GNB1: variants seen among roughly 807,000 people sequenced by gnomAD.
GNB1 encodes G protein subunit beta 1.
GNB1 carries 2 observed loss-of-function variants against 42.9 expected under a neutral mutation model. The ratio of observed to expected loss-of-function variants is 0.05; its 90% CI spans 0.02 to 0.15. The LOEUF (loss-of-function observed/expected upper bound fraction) is 0.15, where lower values mean the gene tolerates loss of function less well. GNB1 is among the 10% of genes least tolerant of loss of function. GNB1 has a pLI of 1.00. For missense variants in GNB1, 193 were observed against 462.2 expected, an observed-to-expected ratio of 0.42 and a Z score of 5.34; for synonymous variants, 183 against 174.7, an observed-to-expected ratio of 1.05 and a Z score of -0.38.
chr1:1,835,680 T>C lies in GNB1; in HGVS notation c.-47+3510A>G, dbSNP rs138322837. 9.9e-5 allele frequency among the ~76,000 whole-genome samples: 15 copies of C among 152,242 alleles called. No homozygotes were observed. In the East Asian group the frequency reaches 2.7e-3, roughly 27 times the overall value. ...TTTGAAATCTGTGCATGTTGTTACA[T>C]GTACAAGTCTTTATGAGAACATCTG... On this transcript the variant is annotated intron_variant, in intron 2 of 11. Coordinates refer to ENST00000378609, the MANE Select transcript of GNB1 (RefSeq NM_002074.5).
At chr1:1,873,208 G>C (rs926155775) in intron 1 of GNB1, among the ~76,000 whole-genome samples, 2 of 152,190 alleles carry the variant, frequency 1.3e-5, no homozygotes, top group Admixed American at 1.3e-4. Context: ...CCTATGCTAG[G>C]CCTCATAACT....
At chr1:1,812,903 G>A (rs1646802401) in intron 5 of GNB1, among the ~76,000 whole-genome samples, 1 of 140,048 alleles carries the variant, frequency 7.1e-6, no homozygotes, top group African/African-American at 2.6e-5. Context: ...CCTGCCTGCA[G>A]GTCACTCTCA....
chr1:1,829,587 A>G (rs1203563126), intron 2 of GNB1, among the ~76,000 whole-genome samples: 2 of 152,154 alleles, frequency 1.3e-5, no homozygotes, highest in Non-Finnish European at 2.9e-5. Context: ...AGGGAAGCAA[A>G]CAACCTTCTG....
At chr1:1,840,080 T>C (rs928650436) in intron 1 of GNB1, among the ~76,000 whole-genome samples, 9 of 151,540 alleles carry the variant, frequency 5.9e-5, no homozygotes, top group Non-Finnish European at 1.2e-4. Context: ...TTAAAAAAAT[T>C]AGCCAGGCGT....
At chr1:1,844,622 A>G (rs1223633591) in intron 1 of GNB1, among the ~76,000 whole-genome samples, 1 of 152,188 alleles carries the variant, frequency 6.6e-6, no homozygotes, top group African/African-American at 2.4e-5. Flanking sequence ...GTACAGGTAT[A>G]CTTGTGGGGG....
At chr1:1,814,385 T>G (rs1452366665) in intron 5 of GNB1, among the ~76,000 whole-genome samples, 1 of 152,174 alleles carries the variant, frequency 6.6e-6, no homozygotes, top group Non-Finnish European at 1.5e-5. Flanking sequence ...AAACAGTACT[T>G]TATTAAATTA....
At chr1:1,849,974 CTTTT>C (rs897799890) in intron 1 of GNB1, among the ~76,000 whole-genome samples, 1 of 147,928 alleles carries the variant, frequency 6.8e-6, no homozygotes, top group African/African-American at 2.4e-5. Context: ...CTACTCAACA[CTTTT>C]TTTTTGTTTG....
chr1:1,806,448 C>G (rs762586996), intron 6 of GNB1, 27 bp downstream of exon 6: 1 of 1,493,954 alleles, frequency 6.7e-7, no homozygotes, highest in African/African-American at 1.4e-5. Context: ...GTTGGTTTTT[C>G]AAGGAAGGGA....
At chr1:1,833,621 G>A (rs2101084075) in intron 2 of GNB1, among the ~76,000 whole-genome samples, 1 of 152,262 alleles carries the variant, frequency 6.6e-6, no homozygotes, top group Non-Finnish European at 1.5e-5. Context: ...AGACAAACAG[G>A]TAAATCACGT....
intron 2 of GNB1, among the ~76,000 whole-genome samples, chr1:1,835,996 C>G (rs1033698094): frequency 6.7e-6 from 1 of 149,490 alleles, no homozygotes. Flanking sequence ...AAGCTGAGGC[C>G]AGAGGATCAC....
intron 1 of GNB1, among the ~76,000 whole-genome samples, chr1:1,845,346 G>C (rs1647579394): frequency 1.3e-5 from 2 of 152,168 alleles, no homozygotes; most frequent in Admixed American, 1.3e-4. Context: ...GGCCAAGGCG[G>C]GCGGATCACG....
intron 1 of GNB1, among the ~76,000 whole-genome samples, chr1:1,846,630 C>T (rs182388790): frequency 2.3e-4 from 35 of 152,268 alleles, no homozygotes; most frequent in Admixed American, 2.0e-3. Flanking sequence ...CCTTGAACAG[C>T]TCACTGAAAC....
At chr1:1,886,799 G>A (rs936727210) in intron 1 of GNB1, among the ~76,000 whole-genome samples, 2 of 152,126 alleles carry the variant, frequency 1.3e-5, no homozygotes, top group African/African-American at 2.4e-5. Flanking sequence ...TCCCCCTCCC[G>A]GGTTCCTGCC....
chr1:1,838,916 G>C (rs1305558841), intron 2 of GNB1, among the ~76,000 whole-genome samples: 1 of 152,030 alleles, frequency 6.6e-6, no homozygotes, highest in Non-Finnish European at 1.5e-5. Context: ...AAATTGTTTT[G>C]AAAACCAACT....
intron 2 of GNB1, among the ~76,000 whole-genome samples, chr1:1,837,749 G>A (rs993217652): frequency 6.6e-6 from 1 of 150,938 alleles, no homozygotes; most frequent in African/African-American, 2.4e-5. Flanking sequence ...TATTTTCGTA[G>A]AGACGGGGTT....
intron 3 of GNB1, among the ~76,000 whole-genome samples, chr1:1,824,422 A>G (rs190968452): frequency 1.6e-3 from 240 of 152,202 alleles, no homozygotes; most frequent in African/African-American, 5.6e-3. Flanking sequence ...GCCTGGGCAC[A>G]ACAGAGTGAA....
intron 1 of GNB1, among the ~76,000 whole-genome samples, chr1:1,847,280 G>A (rs1647720036): frequency 6.9e-6 from 1 of 144,674 alleles, no homozygotes; most frequent in South Asian, 2.1e-4. Flanking sequence ...CTTGGTTGTG[G>A]AACAAGACTG....
intron 7 of GNB1, among the ~76,000 whole-genome samples, chr1:1,796,921 A>C (rs922076760): frequency 1.3e-5 from 2 of 152,136 alleles, no homozygotes; most frequent in African/African-American, 4.8e-5. Context: ...AGAGAGTGGA[A>C]GCGTAGGAGA....
chr1:1,885,619 C>T lies in GNB1; in HGVS notation c.-96+5201G>A, dbSNP rs1387248712. Among the ~76,000 whole-genome samples the T allele has an allele frequency of 7.9e-5, 11 of 140,108 alleles. No homozygotes were observed. The South Asian group carries it at 1.6e-3, about 21-fold the overall frequency. The allele number at this position is 140,108 out of a possible 152,430, so 91.9% of individuals were successfully genotyped here. On this transcript the variant is annotated intron_variant, in intron 1 of 11. Transcript: ENST00000378609. ...TCACCCAGGCTGGAGTGCAGTAGCA[C>T]GATCTCGGCTCACTGCAAGCTCCGC...
Sources: allele counts gnomAD v4.1 joint callset (sites outside exome capture counted in the v4.1 genomes callset), GRCh38; gene constraint gnomAD v4.1.1; transcripts MANE v1.5; gene names NCBI Gene and HGNC (gene_info 2026-07-23, HGNC 2026-07-21).